Variants in MTUS2 observed in about 807,000 individuals in gnomAD.
The protein encoded by MTUS2 is microtubule associated scaffold protein 2.
A neutral mutation model predicts 114.1 loss-of-function variants in MTUS2; 40 were observed. The observed-to-expected ratio is 0.35, with a 90% CI of 0.27 to 0.46. The LOEUF (loss-of-function observed/expected upper bound fraction) is 0.46. MTUS2 is among the 20% of genes least tolerant of loss of function. MTUS2 has a pLI of 1.00. For missense variants in MTUS2, 1,679 were observed against 1,705.4 expected (o/e 0.98, Z 0.27); for synonymous variants, 688 against 672.0 (o/e 1.02, Z -0.37).
intron 2 of MTUS2, among the ~76,000 whole-genome samples, chr13:28,884,551 C>T (rs1237512087): frequency 7.6e-6 from 1 of 132,098 alleles, no homozygotes; most frequent in Non-Finnish European, 1.7e-5. Flanking sequence ...AGTATTTTAC[C>T]ACAATAAAAA....
At chr13:28,896,551 CT>C (rs879322611) in intron 2 of MTUS2, among the ~76,000 whole-genome samples, 3 of 152,224 alleles carry the variant, frequency 2.0e-5, no homozygotes, top group Admixed American at 2.0e-4. Flanking sequence ...GAAAAAACTA[CT>C]TTAAAGTTCA....
At chr13:28,964,674 G>C (rs1353351444) in intron 2 of MTUS2, among the ~76,000 whole-genome samples, 1 of 140,254 alleles carries the variant, frequency 7.1e-6, no homozygotes, top group Non-Finnish European at 1.6e-5. Context: ...AAGTGAACTG[G>C]GTCATTGTTT....
At chr13:29,299,020 A>G (rs1214185565) in intron 6 of MTUS2, among the ~76,000 whole-genome samples, 2 of 152,188 alleles carry the variant, frequency 1.3e-5, no homozygotes, top group Non-Finnish European at 2.9e-5. Context: ...GGAAGTGGCA[A>G]TTAGTTTGGG....
At chr13:29,040,467 G>C (rs1424177116) in intron 4 of MTUS2, among the ~76,000 whole-genome samples, 1 of 152,018 alleles carries the variant, frequency 6.6e-6, no homozygotes, top group Non-Finnish European at 1.5e-5. Flanking sequence ...TTTTCCTCTG[G>C]GTAGATACCC....
chr13:29,240,942 T>C (rs1359276511), intron 5 of MTUS2, among the ~76,000 whole-genome samples: 1 of 152,206 alleles, frequency 6.6e-6, no homozygotes, highest in Non-Finnish European at 1.5e-5. Context: ...ATTATATTTC[T>C]TTTAAATGAG....
chr13:29,039,710 A>C (rs1413809230), intron 4 of MTUS2, among the ~76,000 whole-genome samples: 1 of 152,160 alleles, frequency 6.6e-6, no homozygotes, highest in East Asian at 1.9e-4. Context: ...AACACAATAC[A>C]CTTGGATACT....
chr13:28,894,302 GA>G lies in MTUS2; in HGVS notation c.-243+54453del, dbSNP rs1293722508. ...GGTGGGGGGGGGGGAGAGAGAGAGAGAGGGGGGGGGGGAGGGAGGGAGGGAG... is the reference window on the plus strand; with the variant it reads ...GGTGGGGGGGGGGGAGAGAGAGAGAGGGGGGGGGGGGAGGGAGGGAGGGAG... On this transcript the variant is annotated intron_variant, in intron 2 of 15. Coordinates refer to ENST00000612955, the MANE Select transcript of MTUS2 (RefSeq NM_001033602.4). Among the ~76,000 whole-genome samples, 28 of 12,858 alleles carry G rather than the reference GA, an allele frequency of 2.2e-3. No homozygotes were observed. In the East Asian group the frequency reaches 0.027, roughly 12 times the overall value. The allele number at this position is 12,858 out of a possible 152,430, so 8.4% of individuals were successfully genotyped here.
chr13:28,967,301 C>T (rs1055158576), intron 2 of MTUS2, among the ~76,000 whole-genome samples: 7 of 151,998 alleles, frequency 4.6e-5, no homozygotes, highest in East Asian at 3.8e-4. Flanking sequence ...TTTATATTGC[C>T]GGGGGGAGAG....
intron 5 of MTUS2, among the ~76,000 whole-genome samples, chr13:29,186,729 G>A (rs191028077): frequency 3.3e-3 from 510 of 152,244 alleles, no homozygotes; most frequent in Admixed American, 4.9e-3. Context: ...GAAGGCAAAC[G>A]AGGAGGTGGA....
chr13:29,344,516 C>T lies in MTUS2; in HGVS notation c.2906-14746C>T, dbSNP rs193267011. The stretch of plus-strand genomic sequence containing the variant: ...TTGCATGGAATGTCTTTTTCCACCC[C>T]TCTACCTTAAGTTTATGTGAGTCCT... On this transcript the variant is annotated intron_variant, in intron 7 of 15. Coordinates refer to ENST00000612955, the MANE Select transcript of MTUS2 (RefSeq NM_001033602.4). Among the ~76,000 whole-genome samples, 1,032 of 152,212 alleles carry T rather than the reference C, an allele frequency of 6.8e-3. 6 individuals are homozygous for T. Among genetic ancestry groups the T allele is most frequent in the Non-Finnish European group, 0.011 (728 of 67,990 alleles).
At chr13:28,877,116 C>T (rs1223484615) in intron 2 of MTUS2, among the ~76,000 whole-genome samples, 5 of 148,958 alleles carry the variant, frequency 3.4e-5, no homozygotes, top group South Asian at 4.3e-4. Context: ...GATGAAACCC[C>T]GTCTCTACTA....
intron 10 of MTUS2, 108 bp from the exon 11 acceptor site, chr13:29,487,792 G>A: frequency 1.2e-5 from 10 of 859,622 alleles, no homozygotes; most frequent in Non-Finnish European, 1.9e-5. Context: ...GCACAAGGCT[G>A]TGACTTGTCA....
Position 29,262,570 on chromosome 13 carries a change from T to TA in MTUS2, c.2645-19120dup, listed in dbSNP as rs34929267. Among the ~76,000 whole-genome samples, 781 of 143,626 alleles carry TA rather than the reference T, an allele frequency of 5.4e-3. 6 individuals are homozygous for TA. Among genetic ancestry groups the TA allele is most frequent in the South Asian group, 0.012 (51 of 4,350 alleles). 94.2% of individuals were successfully genotyped at this position (143,626 alleles called of 152,430 possible). A position where few individuals can be genotyped will look rare whatever the true frequency, so the allele number is the denominator to read the frequency against. On this transcript the variant is annotated intron_variant, in intron 5 of 15. Coordinates refer to ENST00000612955, the MANE Select transcript of MTUS2 (RefSeq NM_001033602.4). ...TATAATGATTAAATTGTGATTAGTGTAAAAAAAAAAAAAAGTAAGTTTGAA... is the reference window on the plus strand; with the variant it reads ...TATAATGATTAAATTGTGATTAGTGTAAAAAAAAAAAAAAAGTAAGTTTGAA...
intron 5 of MTUS2, among the ~76,000 whole-genome samples, chr13:29,269,741 C>CA (rs1172254425): frequency 1.3e-5 from 2 of 152,062 alleles, no homozygotes; most frequent in Non-Finnish European, 2.9e-5. Flanking sequence ...ATCGGGGTCT[C>CA]AAAGAGATAT....
At chr13:29,387,429 A>G (rs1303251604) in intron 8 of MTUS2, among the ~76,000 whole-genome samples, 1 of 152,212 alleles carries the variant, frequency 6.6e-6, no homozygotes, top group Non-Finnish European at 1.5e-5. Flanking sequence ...AGGCAGGGGC[A>G]TAACAGGTGG....
chr13:29,075,704 G>T (rs1197333734), intron 4 of MTUS2, among the ~76,000 whole-genome samples: 4 of 152,158 alleles, frequency 2.6e-5, no homozygotes, highest in Admixed American at 2.6e-4. Context: ...AGTCATTTAA[G>T]ACACTGCCTT....
intron 7 of MTUS2, chr13:29,339,887 C>G (rs928907353): frequency 6.6e-6 from 1 of 152,658 alleles, no homozygotes; most frequent in African/African-American, 2.4e-5. Context: ...CACCCTGGCC[C>G]GGGGCGGCAC....
chr13:29,060,176 TTGGGGC>T (rs1467511055), intron 4 of MTUS2, among the ~76,000 whole-genome samples: 1 of 152,216 alleles, frequency 6.6e-6, no homozygotes, highest in Non-Finnish European at 1.5e-5. Context: ...GTGGCCTCTA[TTGGGGC>T]TACGGTGCTG....
rs538975342 is a variant in MTUS2, at chr13:29,364,939, A to G, written c.3117+5466A>G. On this transcript the variant is annotated intron_variant, in intron 8 of 15. Transcript: ENST00000612955. The stretch of plus-strand genomic sequence containing the variant: ...TTATCTTGAATAACCAAAGGCTTAA[A>G]GAAAATGTGAGCACTTAAGGTGGCA... Among the ~76,000 whole-genome samples, 7 of 152,356 alleles carry G rather than the reference A, an allele frequency of 4.6e-5. No homozygotes were observed. The South Asian group carries it at 1.5e-3, about 32-fold the overall frequency.
Sources: gnomAD v4.1 joint callset for allele counts (sites outside exome capture counted in the v4.1 genomes callset) on GRCh38, gnomAD v4.1.1 for gene constraint, MANE v1.5 for transcripts, NCBI Gene and HGNC (gene_info 2026-07-23, HGNC 2026-07-21) for gene names.